Variants in MAP3K9 observed in about 807,000 individuals in gnomAD.
MAP3K9 encodes mixed lineage kinase 1 (tyr and ser/thr specificity).
MAP3K9 carries 46 observed loss-of-function variants against 95.8 expected under a neutral mutation model. That is an observed-to-expected ratio of 0.48 (90% CI 0.38 to 0.61). The LOEUF is 0.61. Among genes scored for constraint, MAP3K9 ranks in the 20% least tolerant of loss-of-function variants. The pLI is 0.00. For missense variants in MAP3K9, 1,296 were observed against 1,474.3 expected, an observed-to-expected ratio of 0.88 and a Z score of 1.98; for synonymous variants, 533 against 593.8, an observed-to-expected ratio of 0.90 and a Z score of 1.49.
chr14:70,804,790 C>T (rs1243653566), intron 1 of MAP3K9, among the ~76,000 whole-genome samples: 37 of 152,174 alleles, frequency 2.4e-4, no homozygotes, highest in Non-Finnish European at 4.4e-5. Flanking sequence ...AATAACCTCT[C>T]TTTGAGTAGA....
intron 1 of MAP3K9, among the ~76,000 whole-genome samples, chr14:70,805,898 G>C (rs935395060): frequency 6.6e-6 from 1 of 152,194 alleles, no homozygotes; most frequent in Non-Finnish European, 1.5e-5. Flanking sequence ...CTGCACTTCA[G>C]CCTGGGCGAC....
chr14:70,801,606 C>T (rs192846462), intron 1 of MAP3K9, among the ~76,000 whole-genome samples: 2 of 152,276 alleles, frequency 1.3e-5, no homozygotes, highest in East Asian at 3.9e-4. Flanking sequence ...TGGTGAGAAG[C>T]ACCCAACTCA....
chr14:70,777,416 G>A (rs1425241696), intron 2 of MAP3K9, among the ~76,000 whole-genome samples: 2 of 152,140 alleles, frequency 1.3e-5, no homozygotes, highest in African/African-American at 4.8e-5. Context: ...CAGCTCCACT[G>A]TTCACCAGCA....
intron 1 of MAP3K9, 49 bp downstream of exon 1, chr14:70,808,717 C>G (rs1451241082): frequency 7.6e-7 from 1 of 1,323,676 alleles, no homozygotes; most frequent in Admixed American, 2.8e-5. Flanking sequence ...CGACCGCCCC[C>G]CAGGCCTCCG....
intron 2 of MAP3K9, among the ~76,000 whole-genome samples, chr14:70,766,662 C>T (rs2054460011): frequency 6.6e-6 from 1 of 152,178 alleles, no homozygotes; most frequent in Non-Finnish European, 1.5e-5. Flanking sequence ...TTTATGCACT[C>T]CAAACCAGAC....
intron 2 of MAP3K9, among the ~76,000 whole-genome samples, chr14:70,770,141 G>T (rs1377887936): frequency 6.6e-6 from 1 of 152,036 alleles, no homozygotes; most frequent in Non-Finnish European, 1.5e-5. Flanking sequence ...TGGTGGTAGG[G>T]GTCAAGGTAA....
Position 70,731,470 on chromosome 14 carries a change from T to C in MAP3K9, c.2831-606A>G, listed in dbSNP as rs1468318550. Among the ~76,000 whole-genome samples, 4 of 152,092 alleles carry C rather than the reference T, an allele frequency of 2.6e-5. No individual in the cohort carries two copies. The East Asian group carries it at 7.7e-4, about 29-fold the overall frequency. On this transcript the variant is annotated intron_variant, in intron 11 of 11. Transcript: ENST00000554752. ...AAAAAAAAGAAAAAAAGGTATACAA[T>C]AACATTTTATTGAAACACAGCCACA...
chr14:70,733,570 C>A (rs1566729503), intron 10 of MAP3K9, among the ~76,000 whole-genome samples: 1 of 152,212 alleles, frequency 6.6e-6, no homozygotes, highest in Non-Finnish European at 1.5e-5. Flanking sequence ...TTCCTTAGAG[C>A]AGAATAAAAG....
chr14:70,770,888 T>C (rs768856240), intron 2 of MAP3K9, among the ~76,000 whole-genome samples: 6 of 152,164 alleles, frequency 3.9e-5, no homozygotes, highest in Non-Finnish European at 8.8e-5. Context: ...TACTCTCCAG[T>C]AGTTCCTTAG....
intron 3 of MAP3K9, among the ~76,000 whole-genome samples, chr14:70,757,186 A>G (rs2054309163): frequency 6.6e-6 from 1 of 152,288 alleles, no homozygotes; most frequent in East Asian, 1.9e-4. Context: ...TAAGATGTCA[A>G]TAGGGCCAGG....
chr14:70,768,941 C>T (rs75657747), intron 2 of MAP3K9, among the ~76,000 whole-genome samples: 2,843 of 152,338 alleles, frequency 0.019, 38 homozygotes, highest in Non-Finnish European at 0.03. Flanking sequence ...CATTACGTAA[C>T]TCAGCTAATT....
chr14:70,723,230 A>G lies in MAP3K9; in HGVS notation c.*7150T>C, dbSNP rs2053776453. ...CTTCCAAGCTCAAGAGACTGAGAGAAAAGTGAGGAGAAGCTGGAATGAAGA... is the reference window on the plus strand; with the variant it reads ...CTTCCAAGCTCAAGAGACTGAGAGAGAAGTGAGGAGAAGCTGGAATGAAGA... On this transcript the variant is annotated 3_prime_UTR_variant, in exon 12 of 12. Coordinates refer to ENST00000554752, the MANE Select transcript of MAP3K9 (RefSeq NM_001284230.2). The G allele has an allele frequency of 6.6e-6, 1 of 152,312 alleles. No individual in the cohort carries two copies. Among genetic ancestry groups the G allele is most frequent in the Non-Finnish European group, 1.5e-5 (1 of 68,128 alleles). The allele number at this position is 152,312 out of a possible 1,614,324, so 9.4% of individuals were successfully genotyped here. A position where few individuals can be genotyped will look rare whatever the true frequency, so the allele number is the denominator to read the frequency against.
intron 2 of MAP3K9, among the ~76,000 whole-genome samples, chr14:70,774,547 C>T (rs1014735234): frequency 6.6e-6 from 1 of 151,814 alleles, no homozygotes; most frequent in Admixed American, 6.6e-5. Context: ...CCTGTAATCC[C>T]AGCTACTCGG....
At chr14:70,785,640 T>C (rs572777941) in intron 2 of MAP3K9, among the ~76,000 whole-genome samples, 27 of 152,242 alleles carry the variant, frequency 1.8e-4, no homozygotes, top group African/African-American at 6.0e-4. Context: ...CCTTCTGATG[T>C]GTAGTCAGAG....
intron 1 of MAP3K9, 62 bp from the exon 2 acceptor site, chr14:70,801,142 T>C: frequency 1.3e-6 from 2 of 1,501,490 alleles, no homozygotes; most frequent in Non-Finnish European, 1.8e-6. Flanking sequence ...GTATTTAACC[T>C]TTCATTTACC....
At position 70,808,794 on chromosome 14, in the gene MAP3K9, C is replaced by T; in HGVS notation, c.378G>A (p.Glu126=). Residue 126 remains glutamate (E), a synonymous_variant, in exon 1 of 12, where the codon GAG becomes GAA. Coordinates refer to ENST00000554752, the MANE Select transcript of MAP3K9 (RefSeq NM_001284230.2). ...GAATGGGCGGGTAGCAACTGGGGTC[C>T]TCGCCGCCGGGCTGGCAGCGGCTGG... ...AFSSRCQPGG[E]DPSCYPPIQL... 6.3e-7 allele frequency: 1 copy of T among 1,590,216 alleles called. No individual in the cohort carries two copies. The highest frequency in any genetic ancestry group is 8.5e-7 in the Non-Finnish European group (1 of 1,171,250).
At chr14:70,744,856 C>A (rs1358438451) in intron 5 of MAP3K9, among the ~76,000 whole-genome samples, 1 of 152,200 alleles carries the variant, frequency 6.6e-6, no homozygotes, top group Non-Finnish European at 1.5e-5. Context: ...TTTGGAATTG[C>A]ATCTTGTGAC....
intron 1 of MAP3K9, among the ~76,000 whole-genome samples, chr14:70,805,001 G>A (rs1399439585): frequency 1.3e-5 from 2 of 152,172 alleles, no homozygotes; most frequent in African/African-American, 4.8e-5. Context: ...AGCAGAGTAT[G>A]TGGGGCTCTC....
At chr14:70,757,162 A>AC (rs1175428369) in intron 3 of MAP3K9, among the ~76,000 whole-genome samples, 1 of 152,154 alleles carries the variant, frequency 6.6e-6, no homozygotes, top group Non-Finnish European at 1.5e-5. Flanking sequence ...ATGATCATGA[A>AC]TTGGAAGACT....
Sources: gnomAD v4.1 joint callset for allele counts (sites outside exome capture counted in the v4.1 genomes callset) on GRCh38, gnomAD v4.1.1 for gene constraint, MANE v1.5 for transcripts, NCBI Gene and HGNC (gene_info 2026-07-23, HGNC 2026-07-21) for gene names.